CLCN6: variants seen among roughly 807,000 people sequenced by gnomAD.
CLCN6 encodes the protein Cl-/H+ antiporter 6, also known as H(+)/Cl(-) exchange transporter 6.
A neutral mutation model predicts 109.8 loss-of-function variants in CLCN6; 70 were observed. The observed-to-expected ratio is 0.64, with a 90% CI of 0.53 to 0.78. The LOEUF is 0.78. CLCN6 is among the 30% of genes least tolerant of loss of function. The probability of loss-of-function intolerance (pLI) is 0.00; values close to 1 mark genes in which losing one functional copy is unlikely to be tolerated. For synonymous variants in CLCN6, 444 were observed against 447.8 expected (o/e 0.99, Z 0.11); for missense variants, 984 against 1,142.3 (o/e 0.86, Z 2.00).
At chr1:11,816,467 A>C (rs1644673617) in intron 3 of CLCN6, 148 bp from the exon 4 acceptor site, 1 of 702,516 alleles carries the variant, frequency 1.4e-6, no homozygotes. Flanking sequence ...TCATTTTTGC[A>C]CTGTAAAGCA....
chr1:11,809,807 A>G (rs923749605), intron 2 of CLCN6, among the ~76,000 whole-genome samples: 3 of 152,212 alleles, frequency 2.0e-5, no homozygotes, highest in African/African-American at 7.2e-5. Context: ...TTGGTCATTG[A>G]TATTTCTCAA....
At position 11,836,102 on chromosome 1, in the gene CLCN6, G is replaced by A. The variant is rs1173424493; in HGVS notation, c.1929G>A (p.Glu643=). The change falls in exon 18 of 23, where the codon GAG becomes GAA. Residue 643 remains glutamate (E), a synonymous_variant. Transcript: ENST00000346436. ...FPVVTENRGN[E]KEFMKGNQLI... is the part of the protein sequence containing the mutation. ...TGGTCACAGAGAACCGCGGTAACGAGAAGGAGTTCATGAAGGGCAACCAGC... is the reference window on the plus strand; with the variant it reads ...TGGTCACAGAGAACCGCGGTAACGAAAAGGAGTTCATGAAGGGCAACCAGC... 1 of 1,613,940 alleles carries A rather than the reference G, an allele frequency of 6.2e-7. No homozygotes were observed. The highest frequency in any genetic ancestry group is 1.7e-5 in the Admixed American group (1 of 59,940).
In CLCN6 at chr1:11,806,268, G is replaced by T; in HGVS notation, c.6G>T (p.Ala2=). The T allele has an allele frequency of 6.8e-7, 1 of 1,468,798 alleles. No individual in the cohort carries two copies. The highest frequency in any genetic ancestry group is 9.0e-7 in the Non-Finnish European group (1 of 1,113,972). The allele number at this position is 1,468,798 out of a possible 1,614,324, so 91.0% of individuals were successfully genotyped here. A position where few individuals can be genotyped will look rare whatever the true frequency, so the allele number is the denominator to read the frequency against. M[A]GCRGSLCCCC... ...AGTGGCAGTAAAGGAGGAAGATGGC[G>T]GGGTGCAGGGGGTCTCTGTGCTGCT... Residue 2 remains alanine (A), a synonymous_variant, in exon 1 of 23, where the codon GCG becomes GCT. Coordinates refer to ENST00000346436, the MANE Select transcript of CLCN6 (RefSeq NM_001286.5).
chr1:11,833,138 C>T (rs1291951139), intron 13 of CLCN6, among the ~76,000 whole-genome samples: 22 of 152,048 alleles, frequency 1.4e-4, no homozygotes, highest in Non-Finnish European at 7.4e-5. Context: ...CCTGTCAACT[C>T]CCAGTCACTT....
intron 5 of CLCN6, among the ~76,000 whole-genome samples, chr1:11,821,561 A>C (rs1644744619): frequency 6.6e-6 from 1 of 152,238 alleles, no homozygotes; most frequent in Non-Finnish European, 1.5e-5. Context: ...GATTCAGAAC[A>C]AATAATACAG....
Position 11,839,032 on chromosome 1 carries a change from AT to A in CLCN6, c.2529+373del. 4.8e-6 allele frequency: 3 copies of A among 628,508 alleles called. No individual in the cohort carries two copies. In the South Asian group the frequency reaches 5.5e-5, roughly 11 times the overall value. The allele number at this position is 628,508 out of a possible 1,614,324, so 38.9% of individuals were successfully genotyped here. A position where few individuals can be genotyped will look rare whatever the true frequency, so the allele number is the denominator to read the frequency against. ...AAAATACTTTGAGTTTTACAAAGAT[AT>A]AAAACACCTAGTAATTATTGCTGCA... On this transcript the variant is annotated intron_variant, in intron 22 of 22. Transcript: ENST00000346436.
chr1:11,810,022 A>G (rs952648638), intron 2 of CLCN6, among the ~76,000 whole-genome samples: 20 of 152,252 alleles, frequency 1.3e-4, no homozygotes, highest in Non-Finnish European at 1.8e-4. Flanking sequence ...ACGTGTTAAA[A>G]GCATGTGTAT....
At chr1:11,832,580 A>G (rs955786393) in intron 13 of CLCN6, among the ~76,000 whole-genome samples, 2 of 152,220 alleles carry the variant, frequency 1.3e-5, no homozygotes, top group East Asian at 1.9e-4. Flanking sequence ...GCATACGTCT[A>G]TATTGCCCAG....
chr1:11,828,260 A>C, intron 11 of CLCN6, 41 bp downstream of exon 11: 1 of 1,570,604 alleles, frequency 6.4e-7, no homozygotes, highest in Non-Finnish European at 8.8e-7. Flanking sequence ...AATTTGACCC[A>C]TGAAAATTTC....
At position 11,833,906 on chromosome 1, in the gene CLCN6, T is replaced by G. The variant is rs1232247075; in HGVS notation, c.1402T>G (p.Phe468Val). The G allele has an allele frequency of 6.8e-6, 11 of 1,613,094 alleles. No homozygotes were observed. Among genetic ancestry groups the G allele is most frequent in the Non-Finnish European group, 9.3e-6 (11 of 1,179,778 alleles). The change falls in exon 15 of 23, where the codon TTC becomes GTC. Residue 468 changes from phenylalanine to valine, a missense_variant. By Grantham distance (50) the Phe-to-Val change is conservative (BLOSUM62 -1). Coordinates refer to ENST00000346436, the MANE Select transcript of CLCN6 (RefSeq NM_001286.5). Reference sequence around the variant, plus strand: ...TTTCAGCCCCGTCACTCTGGCCTTGTTCTTCGTTCTCTATTTCTTGCTTGC... The same window carrying G: ...TTTCAGCCCCGTCACTCTGGCCTTGGTCTTCGTTCTCTATTTCTTGCTTGC... Reference protein sequence around the residue: ...GTFSPVTLALFFVLYFLLACW... With the variant: ...GTFSPVTLALVFVLYFLLACW...
chr1:11,833,452 C>T (rs775138084), intron 13 of CLCN6, 63 bp from the exon 14 acceptor site: 269 of 1,567,626 alleles, frequency 1.7e-4, no homozygotes, highest in Non-Finnish European at 2.1e-4. Flanking sequence ...CGGCTGGAGA[C>T]ATCCCACTTG....
intron 14 of CLCN6, 118 bp from the exon 15 acceptor site, chr1:11,833,759 T>G: frequency 1.9e-6 from 3 of 1,561,712 alleles, no homozygotes; most frequent in Non-Finnish European, 2.6e-6. Flanking sequence ...GACAAAAGAT[T>G]GGTTTCTGCC....
intron 2 of CLCN6, among the ~76,000 whole-genome samples, chr1:11,813,029 A>C (rs1644622412): frequency 6.6e-6 from 1 of 152,210 alleles, no homozygotes; most frequent in Non-Finnish European, 1.5e-5. Context: ...ATCATTCACA[A>C]GATGATATCT....
chr1:11,821,087 C>CAAAAAAAAAAAAAAAAAAAAAAA (rs1262108683), intron 5 of CLCN6, among the ~76,000 whole-genome samples: 1 of 102,140 alleles, frequency 9.8e-6, no homozygotes. Flanking sequence ...AAAACAACAA[C>CAAAAAAAAAAAAAAAAAAAAAAA]AAAAAAAAAA....
chr1:11,837,199 G>A (rs772738149), intron 19 of CLCN6, 43 bp downstream of exon 19: 68 of 1,608,168 alleles, frequency 4.2e-5, no homozygotes, highest in Non-Finnish European at 5.7e-5. Context: ...GGGCTACACA[G>A]CGGTGGGGTG....
intron 9 of CLCN6, among the ~76,000 whole-genome samples, 179 bp downstream of exon 9, chr1:11,826,393 C>T (rs1019475345): frequency 2.0e-5 from 3 of 152,206 alleles, no homozygotes; most frequent in Admixed American, 6.5e-5. Context: ...AGGCTGGCAT[C>T]GTGACTTTTA....
At chr1:11,826,568 T>C (rs971032658) in intron 9 of CLCN6, among the ~76,000 whole-genome samples, 2 of 152,216 alleles carry the variant, frequency 1.3e-5, no homozygotes, top group Non-Finnish European at 2.9e-5. Context: ...AAGGTACTCT[T>C]AGTAGACTTC....
At chr1:11,839,687 A>G (rs867259530) in intron 22 of CLCN6, among the ~76,000 whole-genome samples, 41 of 152,262 alleles carry the variant, frequency 2.7e-4, no homozygotes, top group African/African-American at 9.4e-4. Flanking sequence ...GAGTCCTAAC[A>G]TAGTTTATGA....
Position 11,823,578 on chromosome 1 carries a change from C to T in CLCN6, c.454-129C>T, listed in dbSNP as rs575607247. Reference sequence around the variant, plus strand: ...GGCCCAGCAGCTGTGGTTCTGCAAGCCCTCCAGGTGACGCTCACGCTGCTA... The same window carrying T: ...GGCCCAGCAGCTGTGGTTCTGCAAGTCCTCCAGGTGACGCTCACGCTGCTA... On this transcript the variant is annotated intron_variant, in intron 6 of 22. Transcript: ENST00000346436. The T allele has an allele frequency of 1.8e-5, 22 of 1,231,990 alleles. No individual in the cohort carries two copies. In the East Asian group the frequency reaches 4.8e-4, roughly 27 times the overall value. The allele number at this position is 1,231,990 out of a possible 1,614,324, so 76.3% of individuals were successfully genotyped here.
Sources: allele counts gnomAD v4.1 joint callset (sites outside exome capture counted in the v4.1 genomes callset), GRCh38; gene constraint gnomAD v4.1.1; transcripts MANE v1.5; gene names NCBI Gene and HGNC (gene_info 2026-07-23, HGNC 2026-07-21).